The following GRM7 variants were observed in gnomAD, a reference collection of about 807,000 sequenced individuals.
GRM7 encodes metabotropic glutamate receptor 7.
A neutral mutation model predicts 84.5 loss-of-function variants in GRM7; 35 were observed. The observed-to-expected ratio is 0.41, with a 90% CI of 0.32 to 0.55. GRM7 has a LOEUF of 0.55. Among genes scored for constraint, GRM7 ranks in the 20% least tolerant of loss-of-function variants. GRM7 has a pLI of 0.19. For missense variants in GRM7, 1,003 were observed against 1,194.6 expected, an observed-to-expected ratio of 0.84 and a Z score of 2.36; for synonymous variants, 487 against 455.1, an observed-to-expected ratio of 1.07 and a Z score of -0.89.
chr3:7,091,502 C>G, intron 1 of GRM7, among the ~76,000 whole-genome samples: 1 of 151,904 alleles, frequency 6.6e-6, no homozygotes, highest in Non-Finnish European at 1.5e-5. Context: ...TGAACATTTC[C>G]CTTTGCTACA....
intron 1 of GRM7, among the ~76,000 whole-genome samples, chr3:6,993,989 T>C (rs914789643): frequency 2.0e-5 from 3 of 152,148 alleles, no homozygotes; most frequent in Non-Finnish European, 4.4e-5. Context: ...CATAGTTGCC[T>C]AAAAGAGATT....
At chr3:7,408,663 C>T (rs562205885) in intron 4 of GRM7, among the ~76,000 whole-genome samples, 1 of 152,320 alleles carries the variant, frequency 6.6e-6, no homozygotes, top group Non-Finnish European at 1.5e-5. Flanking sequence ...TCAAGAGAGG[C>T]AGACAAGAAA....
intron 1 of GRM7, among the ~76,000 whole-genome samples, chr3:6,974,375 T>A (rs1345718991): frequency 1.3e-5 from 2 of 152,154 alleles, no homozygotes; most frequent in Non-Finnish European, 1.5e-5. Flanking sequence ...ATTGAGGACA[T>A]CAATTTGGGA....
chr3:6,886,071 A>T lies in GRM7; in HGVS notation c.519+24164A>T, dbSNP rs550177056. Among the ~76,000 whole-genome samples, 5 of 150,260 alleles carry T rather than the reference A, an allele frequency of 3.3e-5. No individual in the cohort carries two copies. The South Asian group carries it at 1.1e-3, about 32-fold the overall frequency. On this transcript the variant is annotated intron_variant, in intron 1 of 9. Coordinates refer to ENST00000357716, the MANE Select transcript of GRM7 (RefSeq NM_000844.4). ...TTACCACAATCTAAATAATTAGCAC[A>T]TCTATTGCCACACATAGTTACCATT...
chr3:7,728,354 G>T (rs907691320), intron 9 of GRM7, among the ~76,000 whole-genome samples: 1 of 152,126 alleles, frequency 6.6e-6, no homozygotes, highest in Non-Finnish European at 1.5e-5. Flanking sequence ...TTTTTCCAGT[G>T]CTTATATATG....
intron 1 of GRM7, among the ~76,000 whole-genome samples, chr3:6,888,051 G>A (rs1285835212): frequency 6.6e-6 from 1 of 152,070 alleles, no homozygotes; most frequent in East Asian, 1.9e-4. Flanking sequence ...GTCTGTTCAT[G>A]TCCCTTGCCC....
intron 4 of GRM7, among the ~76,000 whole-genome samples, chr3:7,334,205 TA>T (rs1368852356): frequency 6.6e-6 from 1 of 151,992 alleles, no homozygotes; most frequent in African/African-American, 2.4e-5. Context: ...AGGACTGTGA[TA>T]AAAAGTATCA....
intron 1 of GRM7, among the ~76,000 whole-genome samples, chr3:6,908,364 C>T (rs138309866): frequency 2.6e-5 from 4 of 152,152 alleles, no homozygotes; most frequent in African/African-American, 7.2e-5. Flanking sequence ...CTTTTCTTTT[C>T]GTCTCATGGA....
intron 4 of GRM7, among the ~76,000 whole-genome samples, chr3:7,338,125 C>CACAA (rs1701495254): frequency 6.6e-6 from 1 of 151,022 alleles, no homozygotes; most frequent in Non-Finnish European, 1.5e-5. Flanking sequence ...TACACACACA[C>CACAA]ACACACACAC....
intron 6 of GRM7, among the ~76,000 whole-genome samples, chr3:7,456,750 C>G (rs1698032406): frequency 1.3e-5 from 2 of 151,496 alleles, no homozygotes; most frequent in Non-Finnish European, 2.9e-5. Context: ...AATCTTCTTT[C>G]TCTGAGGATA....
chr3:7,281,553 T>C (rs553244372), intron 2 of GRM7, among the ~76,000 whole-genome samples: 11 of 152,238 alleles, frequency 7.2e-5, no homozygotes, highest in Non-Finnish European at 1.3e-4. Context: ...TTTCCTTTTG[T>C]AACTTCATGG....
rs1553640882 is a variant in GRM7 at position 7,713,119 on chromosome 3, G to GT, written c.2699-27234dup. Among the ~76,000 whole-genome samples, 100 of 55,622 alleles carry GT rather than the reference G, an allele frequency of 1.8e-3. 2 individuals carry two copies. The highest frequency in any genetic ancestry group is 3.4e-3 in the Admixed American group (15 of 4,396). 36.5% of individuals were successfully genotyped at this position (55,622 alleles called of 152,430 possible). On this transcript the variant is annotated intron_variant, in intron 9 of 9. Transcript: ENST00000357716. ...CACAGATAGAGAGGATTCGAATTTT[G>GT]TTTTGTTTTTTTTTTTTTTTTTTTT...
At chr3:7,110,292 T>C (rs2125032793) in intron 1 of GRM7, among the ~76,000 whole-genome samples, 1 of 152,148 alleles carries the variant, frequency 6.6e-6, no homozygotes, top group East Asian at 1.9e-4. Flanking sequence ...TATAGGAAAC[T>C]ATAATGTAAA....
intron 1 of GRM7, chr3:6,892,520 T>G (rs1402120183): frequency 6.6e-6 from 1 of 152,130 alleles, no homozygotes; most frequent in Non-Finnish European, 1.5e-5. Context: ...AGCACTTTCT[T>G]GATATCCACC....
At chr3:7,068,403 C>T (rs184483875) in intron 1 of GRM7, among the ~76,000 whole-genome samples, 2 of 151,994 alleles carry the variant, frequency 1.3e-5, no homozygotes, top group African/African-American at 4.8e-5. Flanking sequence ...AAGGCCTGCA[C>T]CATCAAGTAA....
intron 1 of GRM7, among the ~76,000 whole-genome samples, chr3:6,958,075 A>ATGTG: frequency 6.7e-6 from 1 of 148,410 alleles, no homozygotes; most frequent in East Asian, 2.0e-4. Flanking sequence ...TTATGTGTAT[A>ATGTG]TATGTGTGTG....
intron 4 of GRM7, among the ~76,000 whole-genome samples, chr3:7,316,580 T>C (rs1700589663): frequency 6.6e-6 from 1 of 152,178 alleles, no homozygotes; most frequent in Admixed American, 6.5e-5. Context: ...TATATAAGAA[T>C]GACTGCAAGG....
chr3:7,622,581 G>T (rs192185652), intron 8 of GRM7, among the ~76,000 whole-genome samples: 110 of 152,118 alleles, frequency 7.2e-4, no homozygotes, highest in African/African-American at 2.5e-3. Flanking sequence ...CTGTGGCATA[G>T]AGAATACGGT....
intron 7 of GRM7, among the ~76,000 whole-genome samples, chr3:7,470,431 A>T (rs926547067): frequency 2.0e-5 from 3 of 152,228 alleles, no homozygotes; most frequent in African/African-American, 7.2e-5. Flanking sequence ...ATTCAGAAAC[A>T]TATTGGAAAT....
Sources: allele counts gnomAD v4.1 joint callset (sites outside exome capture counted in the v4.1 genomes callset), GRCh38; gene constraint gnomAD v4.1.1; transcripts MANE v1.5; gene names NCBI Gene and HGNC (gene_info 2026-07-23, HGNC 2026-07-21).